Variants in MDFI observed in about 807,000 individuals in gnomAD.
MDFI encodes the protein MyoD family inhibitor.
In MDFI, 16 loss-of-function variants were observed where a neutral mutation model predicts 22.3. That is an observed-to-expected ratio of 0.72 (90% CI 0.49 to 1.09). MDFI has a LOEUF of 1.09. MDFI is among the 50% of genes least tolerant of loss of function. The pLI is 0.00. For synonymous variants in MDFI, 145 were observed against 142.7 expected, an observed-to-expected ratio of 1.02 and a Z score of -0.12; for missense variants, 314 against 326.1, an observed-to-expected ratio of 0.96 and a Z score of 0.29.
At chr6:41,650,627 G>T (rs113580969) in intron 4 of MDFI, among the ~76,000 whole-genome samples, 1 of 145,542 alleles carries the variant, frequency 6.9e-6, no homozygotes, top group African/African-American at 2.5e-5. Context: ...AGGCTGGAGC[G>T]CAGTGGCGCA....
Position 41,638,690 on chromosome 6 carries a change from C to T in MDFI, c.-12+38C>T. ...GGGAGGCGCGCATCTGCGGGGGAAT[C>T]GCCCCTTGCCCGCCTCCGGCGCCGC... On this transcript the variant is annotated intron_variant, in intron 1 of 4. Transcript: ENST00000230321. This position sits in a 1 kb window ranked among gnomAD's most constrained non-coding sequence, Gnocchi z 7.6. The T allele has an allele frequency of 1.3e-6, 2 of 1,513,596 alleles. No homozygotes were observed. Among genetic ancestry groups the T allele is most frequent in the Admixed American group, 2.0e-5 (1 of 50,802 alleles). The allele number at this position is 1,513,596 out of a possible 1,614,324, so 93.8% of individuals were successfully genotyped here. A position where few individuals can be genotyped will look rare whatever the true frequency, so the allele number is the denominator to read the frequency against.
At chr6:41,648,139 G>A (rs1469928961) in intron 3 of MDFI, among the ~76,000 whole-genome samples, 1 of 151,556 alleles carries the variant, frequency 6.6e-6, no homozygotes, top group Non-Finnish European at 1.5e-5. Flanking sequence ...AGTGATTGTC[G>A]TGGTAGTAGC....
Position 41,653,500 on chromosome 6 carries a change from C to A in MDFI, c.666C>A (p.Ile222=). ...CDLPCDLDCG[I]LDACCESADC... ...TGCCCTGCGACCTGGACTGCGGCAT[C>A]CTGGATGCCTGCTGCGAGTCCGCGG... Residue 222 remains isoleucine (I), a synonymous_variant, in exon 5 of 5, where the codon ATC becomes ATA. Coordinates refer to ENST00000230321, the MANE Select transcript of MDFI (RefSeq NM_005586.4). The surrounding 1 kb of genome is among the most constrained non-coding windows in gnomAD (Gnocchi z 4.2). The A allele has an allele frequency of 1.9e-6, 3 of 1,602,714 alleles. No individual in the cohort carries two copies. The highest frequency in any genetic ancestry group is 2.5e-6 in the Non-Finnish European group (3 of 1,179,946).
intron 4 of MDFI, among the ~76,000 whole-genome samples, chr6:41,650,310 A>G (rs1434835970): frequency 6.6e-6 from 1 of 152,078 alleles, no homozygotes; most frequent in African/African-American, 2.4e-5. Context: ...GGATCCAGAC[A>G]CCCAACCAGC....
intron 2 of MDFI, among the ~76,000 whole-genome samples, chr6:41,644,798 GA>G (rs57783166): frequency 0.011 from 1,598 of 150,706 alleles, 29 homozygotes; most frequent in African/African-American, 0.037. Flanking sequence ...CAATTCCCAA[GA>G]CTACCCTGTG....
rs138239258 is a variant in MDFI, at chr6:41,653,392, C to T, written c.558C>T (p.Cys186=). Reference sequence around the variant, plus strand: ...CGCTGTGCAACATCGTCCTGGACTGCGCCACCTGTGGCTCCTGCAGCTCGG... The same window carrying T: ...CGCTGTGCAACATCGTCCTGGACTGTGCCACCTGTGGCTCCTGCAGCTCGG... ...FLTLCNIVLD[C]ATCGSCSSED... The change falls in exon 5 of 5, where the codon TGC becomes TGT. Residue 186 remains cysteine (C), a synonymous_variant. Coordinates refer to ENST00000230321, the MANE Select transcript of MDFI (RefSeq NM_005586.4). This position sits in a 1 kb window ranked among gnomAD's most constrained non-coding sequence, Gnocchi z 4.2. 8 of 1,611,314 alleles carry T rather than the reference C, an allele frequency of 5.0e-6. No individual in the cohort carries two copies. The highest frequency in any genetic ancestry group is 3.3e-4 in the Middle Eastern group (2 of 6,062).
At chr6:41,645,216 C>T (rs947601020) in intron 2 of MDFI, among the ~76,000 whole-genome samples, 4 of 152,100 alleles carry the variant, frequency 2.6e-5, no homozygotes, top group East Asian at 1.9e-4. Flanking sequence ...CCGCCCCTGA[C>T]CCCTGGCTGA....
intron 2 of MDFI, chr6:41,639,776 G>A (rs1767780216): frequency 6.1e-6 from 6 of 985,278 alleles, no homozygotes; most frequent in Non-Finnish European, 7.2e-6. Context: ...GAATAATGAA[G>A]GTCTGTTCCT....
At chr6:41,639,884 T>G in intron 2 of MDFI, 1 of 985,410 alleles carries the variant, frequency 1.0e-6, no homozygotes, top group Non-Finnish European at 1.2e-6. Context: ...CCTGCCTGCC[T>G]GTTCTAGGAG....
chr6:41,639,736 C>G, intron 2 of MDFI: 12 of 985,452 alleles, frequency 1.2e-5, no homozygotes, highest in South Asian at 4.7e-5. Flanking sequence ...TCCCCACCAG[C>G]GCCATTCCCC....
chr6:41,643,535 AAGGAGGGAAGGAG>A (rs1561829514), intron 2 of MDFI, among the ~76,000 whole-genome samples: 11 of 111,606 alleles, frequency 9.9e-5, no homozygotes, highest in African/African-American at 3.1e-4. Context: ...GGAAGGAGGG[AAGGAGGGAAGGAG>A]GGAAGGAAGG....
rs3050046 is a variant in MDFI, at chr6:41,648,042, C to CA, written c.260-1552dup. 0.012 allele frequency among the ~76,000 whole-genome samples: 781 copies of CA among 65,414 alleles called. 23 individuals are homozygous for CA. In the East Asian group the frequency reaches 0.14, roughly 12 times the overall value. 42.9% of individuals were successfully genotyped at this position (65,414 alleles called of 152,430 possible). On this transcript the variant is annotated intron_variant, in intron 3 of 4. Coordinates refer to ENST00000230321, the MANE Select transcript of MDFI (RefSeq NM_005586.4). ...CTGGGCACGGAGCTAGACTCCGTCT[C>CA]AAAAAAAAAAAAAAAAAAAAAAAAA... is the stretch of plus-strand genomic sequence containing the variant.
chr6:41,650,122 C>G (rs935904151), intron 4 of MDFI: 34 of 409,260 alleles, frequency 8.3e-5, no homozygotes, highest in Admixed American at 6.5e-4. Context: ...ACCCCAAACC[C>G]CTCCCCATCC....
chr6:41,640,036 T>C (rs956041921), intron 2 of MDFI: 1 of 739,186 alleles, frequency 1.4e-6, no homozygotes, highest in Admixed American at 6.3e-5. Context: ...CAGCCCATCT[T>C]GGCCAAGCCT....
intron 3 of MDFI, among the ~76,000 whole-genome samples, chr6:41,647,971 G>A (rs1055476784): frequency 2.0e-5 from 3 of 151,138 alleles, no homozygotes; most frequent in Non-Finnish European, 4.4e-5. Context: ...GTGAACCCGG[G>A]AGGCGGATGT....
intron 4 of MDFI, among the ~76,000 whole-genome samples, chr6:41,652,838 G>A (rs1168086630): frequency 6.6e-6 from 1 of 151,952 alleles, no homozygotes; most frequent in Non-Finnish European, 1.5e-5. Context: ...GGCTGGTCTC[G>A]AACTCCTAAC....
At chr6:41,644,359 C>A (rs1767970432) in intron 2 of MDFI, among the ~76,000 whole-genome samples, 1 of 152,136 alleles carries the variant, frequency 6.6e-6, no homozygotes, top group African/African-American at 2.4e-5. Flanking sequence ...GGAGCGCCAG[C>A]CCTCCCTCCC....
chr6:41,639,134 C>T (rs1767752161), intron 2 of MDFI: 1 of 693,126 alleles, frequency 1.4e-6, no homozygotes, highest in African/African-American at 1.9e-5. Flanking sequence ...GTCTGTCCGT[C>T]TGGGATTTGT....
At chr6:41,639,343 C>A (rs1447110758) in intron 2 of MDFI, 1 of 985,406 alleles carries the variant, frequency 1.0e-6, no homozygotes. Context: ...CCTCGCCTTC[C>A]TTCCCTCTCG....
Sources: gnomAD v4.1 joint callset for allele counts (sites outside exome capture counted in the v4.1 genomes callset) on GRCh38, gnomAD v4.1.1 for gene constraint, Gnocchi (gnomAD v3.1) non-coding constraint, MANE v1.5 for transcripts, NCBI Gene and HGNC (gene_info 2026-07-23, HGNC 2026-07-21) for gene names.